Variants in AK7 observed in about 807,000 individuals in gnomAD.
AK7 encodes ATP-AMP transphosphorylase 7.
A neutral mutation model predicts 96.6 loss-of-function variants in AK7; 78 were observed. That is an observed-to-expected ratio of 0.81 (90% CI 0.67 to 0.97). The LOEUF (loss-of-function observed/expected upper bound fraction) is 0.97, where lower values mean the gene tolerates loss of function less well. Among genes scored for constraint, AK7 ranks in the 50% least tolerant of loss-of-function variants. AK7 has a pLI of 0.00. For missense variants in AK7, 855 were observed against 887.9 expected (o/e 0.96, Z 0.47); for synonymous variants, 302 against 317.2 (o/e 0.95, Z 0.51).
At chr14:96,475,707 C>A (rs991909914) in intron 14 of AK7, among the ~76,000 whole-genome samples, 1 of 152,086 alleles carries the variant, frequency 6.6e-6, no homozygotes, top group Non-Finnish European at 1.5e-5. Flanking sequence ...TGTGGTGGCT[C>A]ACGCCTGCAA....
chr14:96,432,183 C>T (rs1201596501), intron 5 of AK7, among the ~76,000 whole-genome samples: 2 of 150,388 alleles, frequency 1.3e-5, no homozygotes, highest in African/African-American at 4.9e-5. Context: ...CCTCTCTCTC[C>T]CCAGGATTGC....
intron 12 of AK7, among the ~76,000 whole-genome samples, chr14:96,464,925 C>T (rs962134984): frequency 2.0e-5 from 3 of 152,120 alleles, no homozygotes; most frequent in Non-Finnish European, 2.9e-5. Flanking sequence ...GGAGTCACTC[C>T]GGTTAGGACA....
chr14:96,436,644 AAAACAAAC>A (rs572759417), intron 5 of AK7, among the ~76,000 whole-genome samples: 7 of 152,232 alleles, frequency 4.6e-5, no homozygotes, highest in East Asian at 3.9e-4. Flanking sequence ...ACTCTGTCTC[AAAACAAAC>A]AAACAAACAA....
Position 96,429,840 on chromosome 14 carries a change from T to C in AK7, c.610-7995T>C, listed in dbSNP as rs539347404. On this transcript the variant is annotated intron_variant, in intron 5 of 17. Transcript: ENST00000267584. The stretch of plus-strand genomic sequence containing the variant: ...ATCCTGAGACTTTGCTGAAGTTGCT[T>C]ATCAGCTTAAGGAGATTTTGGGCTG... Among the ~76,000 whole-genome samples, 8 of 152,342 alleles carry C rather than the reference T, an allele frequency of 5.3e-5. No individual in the cohort carries two copies. The South Asian group carries it at 1.7e-3, about 32-fold the overall frequency.
intron 4 of AK7, among the ~76,000 whole-genome samples, chr14:96,420,027 G>A (rs1259970911): frequency 1.3e-5 from 2 of 150,786 alleles, no homozygotes; most frequent in Admixed American, 6.6e-5. Context: ...CACCACGCCT[G>A]GCTAATTTTC....
intron 12 of AK7, 80 bp downstream of exon 12, chr14:96,458,292 T>C (rs990462704): frequency 5.8e-6 from 8 of 1,384,830 alleles, no homozygotes; most frequent in Middle Eastern, 1.9e-4. Flanking sequence ...AAAGACTGTT[T>C]AAAAAAAAAA....
intron 14 of AK7, among the ~76,000 whole-genome samples, chr14:96,477,776 C>T (rs1895266437): frequency 6.6e-6 from 1 of 152,180 alleles, no homozygotes; most frequent in South Asian, 2.1e-4. Context: ...GAGCTGGATC[C>T]ATGAAAATTC....
intron 15 of AK7, among the ~76,000 whole-genome samples, chr14:96,480,459 T>G (rs1429311009): frequency 2.0e-5 from 3 of 151,974 alleles, no homozygotes; most frequent in Non-Finnish European, 4.4e-5. Flanking sequence ...CAAAAACAAT[T>G]TATAAATCTG....
intron 5 of AK7, chr14:96,424,323 C>A: frequency 2.6e-6 from 1 of 378,466 alleles, no homozygotes; most frequent in South Asian, 2.7e-5. Context: ...AGAGGGCTTA[C>A]TGTGTTCTCA....
intron 1 of AK7, among the ~76,000 whole-genome samples, chr14:96,394,920 G>A (rs1015608791): frequency 6.6e-6 from 1 of 151,248 alleles, no homozygotes; most frequent in Non-Finnish European, 1.5e-5. Flanking sequence ...AGTTTGCAGT[G>A]AGCCGAGATC....
chr14:96,440,118 G>A (rs1892884916), intron 6 of AK7, among the ~76,000 whole-genome samples: 1 of 152,116 alleles, frequency 6.6e-6, no homozygotes, highest in Non-Finnish European at 1.5e-5. Context: ...TGGGATTACA[G>A]GTGTGTGCCA....
In AK7 at chr14:96,478,600, A is replaced by G; in HGVS notation, c.1691A>G (p.Asn564Ser). 3 of 1,614,228 alleles carry G rather than the reference A, an allele frequency of 1.9e-6. No individual in the cohort carries two copies. Among genetic ancestry groups the G allele is most frequent in the Non-Finnish European group, 2.5e-6 (3 of 1,180,046 alleles). Residue 564 changes from asparagine to serine, a missense_variant, in exon 15 of 18, where the codon AAT becomes AGT. Transcript: ENST00000267584. Reference protein sequence around the residue: ...LRALSNYRDINIDDETVFNYF... With the variant: ...LRALSNYRDISIDDETVFNYF... ...GCTCTGAGCAACTACCGGGACATCA[A>G]TATCGACGATGAGACTGTCTTCAAC...
chr14:96,422,455 C>T (rs1431944456), intron 5 of AK7, among the ~76,000 whole-genome samples: 2 of 152,162 alleles, frequency 1.3e-5, no homozygotes, highest in Admixed American at 6.5e-5. Context: ...CTAGAAGAGC[C>T]ATGGCAAGAT....
At chr14:96,486,679 A>G (rs1895787910) in intron 16 of AK7, among the ~76,000 whole-genome samples, 1 of 150,624 alleles carries the variant, frequency 6.6e-6, no homozygotes, top group Non-Finnish European at 1.5e-5. Context: ...GGGCAGCTAG[A>G]AATTATTTTG....
chr14:96,421,880 C>T (rs1009453127), intron 5 of AK7, among the ~76,000 whole-genome samples: 5 of 152,306 alleles, frequency 3.3e-5, no homozygotes, highest in African/African-American at 9.6e-5. Context: ...GTTGGGATTA[C>T]GGGCATGAGC....
intron 5 of AK7, 106 bp from the exon 6 acceptor site, chr14:96,437,729 G>A: frequency 1.3e-6 from 1 of 756,954 alleles, no homozygotes; most frequent in Non-Finnish European, 2.1e-6. Context: ...ACCTGCAAGA[G>A]TTGACGGAAG....
intron 16 of AK7, among the ~76,000 whole-genome samples, chr14:96,483,615 T>G (rs1895626031): frequency 6.6e-6 from 1 of 151,776 alleles, no homozygotes; most frequent in Non-Finnish European, 1.5e-5. Context: ...AGAAATGGGG[T>G]TTCACCATGT....
intron 3 of AK7, among the ~76,000 whole-genome samples, chr14:96,406,476 A>G (rs1890719735): frequency 6.6e-6 from 1 of 152,164 alleles, no homozygotes; most frequent in Non-Finnish European, 1.5e-5. Flanking sequence ...TTTTCTATTT[A>G]GAGGAAAACT....
rs150170276 is a variant in AK7 at position 96,448,579 on chromosome 14, A to G, written c.871-1223A>G. Among the ~76,000 whole-genome samples, 33 of 146,404 alleles carry G rather than the reference A, an allele frequency of 2.3e-4. 1 individual carries two copies. In the East Asian group the frequency reaches 5.9e-3, roughly 26 times the overall value. ...CAGGAATTCAAGGCTGCAGTGAGCT[A>G]TAATTGCACCACTGCACTGCAGCCT... On this transcript the variant is annotated intron_variant, in intron 8 of 17. Coordinates refer to ENST00000267584, the MANE Select transcript of AK7 (RefSeq NM_152327.5).
Sources: allele counts gnomAD v4.1 joint callset (sites outside exome capture counted in the v4.1 genomes callset), GRCh38; gene constraint gnomAD v4.1.1; transcripts MANE v1.5; gene names NCBI Gene and HGNC (gene_info 2026-07-23, HGNC 2026-07-21).